Variants in SMCHD1 observed in about 807,000 individuals in gnomAD.
SMCHD1 encodes the protein structural maintenance of chromosomes flexible hinge domain-containing protein 1.
Under a neutral mutation model 254.7 loss-of-function variants are expected in SMCHD1, and 78 were observed. The observed-to-expected ratio is 0.31, with a 90% CI of 0.26 to 0.37. The LOEUF (loss-of-function observed/expected upper bound fraction) is 0.37, where lower values mean the gene tolerates loss of function less well. Ranked by LOEUF, SMCHD1 falls within the 10% of genes least tolerant of loss-of-function variation. The pLI is 1.00. For synonymous variants in SMCHD1, 766 were observed against 794.9 expected (o/e 0.96, Z 0.61); for missense variants, 1,840 against 2,408.1 (o/e 0.76, Z 4.94).
At chr18:2,801,819 A>G (rs982779564) in intron 47 of SMCHD1, among the ~76,000 whole-genome samples, 3 of 152,180 alleles carry the variant, frequency 2.0e-5, no homozygotes, top group Admixed American at 6.5e-5. Context: ...TCATGACCTT[A>G]TAAAGTACAT....
chr18:2,681,248 A>C (rs1259295701), intron 5 of SMCHD1, among the ~76,000 whole-genome samples: 1 of 152,104 alleles, frequency 6.6e-6, no homozygotes, highest in African/African-American at 2.4e-5. Context: ...CGCTGTCTCT[A>C]CTAAAAATAC....
At chr18:2,667,177 C>T (rs757901260) in intron 3 of SMCHD1, 146 bp downstream of exon 3, 10 of 666,422 alleles carry the variant, frequency 1.5e-5, no homozygotes, top group South Asian at 4.1e-5. Context: ...AAATTCATCA[C>T]GGTATTATTA....
chr18:2,659,179 G>A (rs2073170429), intron 1 of SMCHD1, among the ~76,000 whole-genome samples: 1 of 152,170 alleles, frequency 6.6e-6, no homozygotes. Context: ...GTGCAGTGGT[G>A]CCATCTTGGC....
chr18:2,706,338 A>T (rs200397831), intron 14 of SMCHD1, 26 bp from the exon 15 acceptor site: 3 of 1,432,698 alleles, frequency 2.1e-6, no homozygotes, highest in Non-Finnish European at 2.8e-6. Flanking sequence ...GTTTTCTTTG[A>T]AATGTTGGTA....
At chr18:2,764,502 G>T (rs1458345863) in intron 37 of SMCHD1, among the ~76,000 whole-genome samples, 2 of 152,102 alleles carry the variant, frequency 1.3e-5, no homozygotes, top group Non-Finnish European at 2.9e-5. Context: ...TCTAAAGTTT[G>T]TTTTTATCAA....
intron 41 of SMCHD1, among the ~76,000 whole-genome samples, chr18:2,774,762 G>A (rs2076038844): frequency 6.6e-6 from 1 of 152,096 alleles, no homozygotes; most frequent in African/African-American, 2.4e-5. Context: ...GTAGGTTTGT[G>A]CTACCAGATC....
At chr18:2,772,133 C>A in intron 40 of SMCHD1, 117 bp from the exon 41 acceptor site, 2 of 815,960 alleles carry the variant, frequency 2.5e-6, no homozygotes, top group Non-Finnish European at 3.3e-6. Flanking sequence ...ATAATGCCTA[C>A]TTACCAACTT....
rs902122753 is a variant in SMCHD1 at position 2,732,132 on chromosome 18, C to T, written c.3049-133C>T. The T allele has an allele frequency of 4.8e-6, 3 of 622,694 alleles. No homozygotes were observed. The Admixed American group carries it at 9.5e-5, about 20-fold the overall frequency. 38.6% of individuals were successfully genotyped at this position (622,694 alleles called of 1,614,324 possible). ...ATACGGAATTATTAATAGTATAATG[C>T]CATCTTAATGACAAAACCTGTGAGT... On this transcript the variant is annotated intron_variant, in intron 24 of 47. Transcript: ENST00000320876.
chr18:2,681,367 T>A (rs1197119021), intron 5 of SMCHD1, among the ~76,000 whole-genome samples: 3 of 144,782 alleles, frequency 2.1e-5, no homozygotes, highest in Non-Finnish European at 4.5e-5. Context: ...GAGCCGAGAT[T>A]GCGCCGCTGT....
chr18:2,791,076 A>G (rs2076311476), intron 45 of SMCHD1, among the ~76,000 whole-genome samples: 1 of 152,228 alleles, frequency 6.6e-6, no homozygotes, highest in Non-Finnish European at 1.5e-5. Flanking sequence ...ATACAAAAAT[A>G]ATAGCATTCA....
Position 2,757,889 on chromosome 18 carries a change from TA to T in SMCHD1, c.4347-2762del, listed in dbSNP as rs532857042. On this transcript the variant is annotated intron_variant, in intron 34 of 47. Transcript: ENST00000320876. ...ACATACAGACTTAGATTATTATTAT[TA>T]TTTTTTTCTTGCAAATTAAACCTTT... 2.1e-4 allele frequency among the ~76,000 whole-genome samples: 32 copies of T among 152,180 alleles called. No individual in the cohort carries two copies. In the South Asian group the frequency reaches 3.1e-3, roughly 15 times the overall value.
At chr18:2,678,013 T>C (rs527738185) in intron 5 of SMCHD1, among the ~76,000 whole-genome samples, 1 of 152,344 alleles carries the variant, frequency 6.6e-6, no homozygotes, top group East Asian at 1.9e-4. Context: ...ACCAACGACA[T>C]ACTCTGTAGT....
chr18:2,728,015 A>C (rs1434057294), intron 22 of SMCHD1, among the ~76,000 whole-genome samples: 1 of 152,084 alleles, frequency 6.6e-6, no homozygotes, highest in African/African-American at 2.4e-5. Flanking sequence ...GCAATCTAAC[A>C]AGTAAATGAC....
chr18:2,735,800 C>CATGAAA (rs974310843), intron 25 of SMCHD1, among the ~76,000 whole-genome samples: 13 of 152,160 alleles, frequency 8.5e-5, no homozygotes, highest in African/African-American at 3.1e-4. Flanking sequence ...AAAAACATTT[C>CATGAAA]ATGCTCCTGA....
chr18:2,790,872 A>G (rs1442682919), intron 45 of SMCHD1, among the ~76,000 whole-genome samples: 2 of 152,236 alleles, frequency 1.3e-5, no homozygotes, highest in African/African-American at 2.4e-5. Context: ...AAGTATCAGA[A>G]TATCACATGT....
chr18:2,690,973 AAC>A (rs1311960838), intron 7 of SMCHD1, among the ~76,000 whole-genome samples: 4 of 151,194 alleles, frequency 2.6e-5, no homozygotes, highest in African/African-American at 4.9e-5. Context: ...AAAAAAAAAA[AAC>A]CTTTTCTTTC....
intron 28 of SMCHD1, among the ~76,000 whole-genome samples, chr18:2,741,065 G>A (rs1227300922): frequency 6.6e-6 from 1 of 152,120 alleles, no homozygotes; most frequent in Non-Finnish European, 1.5e-5. Context: ...TCATTTTGAA[G>A]CAAATTCCAG....
chr18:2,658,806 G>GTATACA (rs1284340478), intron 1 of SMCHD1, among the ~76,000 whole-genome samples: 4 of 151,372 alleles, frequency 2.6e-5, no homozygotes, highest in African/African-American at 7.3e-5. Context: ...CAAAGCTTAT[G>GTATACA]TATACATATA....
chr18:2,725,102 A>T (rs576367597), intron 21 of SMCHD1, 107 bp downstream of exon 21: 2 of 615,196 alleles, frequency 3.3e-6, no homozygotes, highest in East Asian at 6.2e-5. Flanking sequence ...TAAAAAACAG[A>T]TGACAGTAAT....
Sources: allele counts gnomAD v4.1 joint callset (sites outside exome capture counted in the v4.1 genomes callset), GRCh38; gene constraint gnomAD v4.1.1; transcripts MANE v1.5; gene names NCBI Gene and HGNC (gene_info 2026-07-23, HGNC 2026-07-21).